SMAGP: variants seen among roughly 807,000 people sequenced by gnomAD.
SMAGP encodes small cell transmembrane and glycosylated protein.
In SMAGP, 7 loss-of-function variants were observed where a neutral mutation model predicts 10.1. That is an observed-to-expected ratio of 0.70 (90% CI 0.40 to 1.31). The LOEUF is 1.31. Ranked by LOEUF, SMAGP falls within the 50% of genes most tolerant of loss-of-function variation. The pLI, the probability that SMAGP is intolerant of heterozygous loss-of-function variation, is 0.01. For synonymous variants in SMAGP, 49 were observed against 47.2 expected (o/e 1.04, Z -0.16); for missense variants, 113 against 116.5 (o/e 0.97, Z 0.14).
At chr12:51,246,203 GTT>G in intron 3 of SMAGP, 84 bp from the exon 4 acceptor site, 1 of 1,540,710 alleles carries the variant, frequency 6.5e-7, no homozygotes, top group East Asian at 2.3e-5. Context: ...TTTAGTCACT[GTT>G]TTCGTAAAGA....
At chr12:51,254,887 G>T (rs1008081589) in intron 2 of SMAGP, among the ~76,000 whole-genome samples, 8 of 152,182 alleles carry the variant, frequency 5.3e-5, no homozygotes, top group African/African-American at 1.9e-4. Context: ...CCCCTGAGTG[G>T]GAGTAACGGG....
chr12:51,248,848 T>C lies in SMAGP; in HGVS notation c.35-2017A>G, dbSNP rs114895253. ...TGGGTGATTTCCTGAGCCCAGGAAT[T>C]TGAGACCAGCCTGGGAAACATGGCG... is the stretch of plus-strand genomic sequence containing the variant. On this transcript the variant is annotated intron_variant, in intron 2 of 3. Coordinates refer to ENST00000603798, the MANE Select transcript of SMAGP (RefSeq NM_001031628.2). 5.6e-3 allele frequency among the ~76,000 whole-genome samples: 799 copies of C among 143,112 alleles called. 11 individuals are homozygous for C. Among genetic ancestry groups the C allele is most frequent in the African/African-American group, 0.02 (770 of 37,824 alleles). 93.9% of individuals were successfully genotyped at this position (143,112 alleles called of 152,430 possible). A position where few individuals can be genotyped will look rare whatever the true frequency, so the allele number is the denominator to read the frequency against.
intron 2 of SMAGP, among the ~76,000 whole-genome samples, chr12:51,254,865 A>G (rs1359100158): frequency 2.0e-5 from 3 of 152,170 alleles, no homozygotes; most frequent in African/African-American, 4.8e-5. Context: ...TGTTAAATGC[A>G]CAGTATGGAG....
chr12:51,259,585 T>A (rs1353787611), intron 2 of SMAGP, among the ~76,000 whole-genome samples: 1 of 150,750 alleles, frequency 6.6e-6, no homozygotes, highest in Admixed American at 6.7e-5. Context: ...GGGGAAGCTA[T>A]GGCTTAGCAA....
chr12:51,250,520 T>TGTTGTTGTTG (rs1944828339), intron 2 of SMAGP, among the ~76,000 whole-genome samples: 1 of 151,634 alleles, frequency 6.6e-6, no homozygotes, highest in Admixed American at 6.6e-5. Flanking sequence ...TGTTTTTTTT[T>TGTTGTTGTTG]TGTTGTTGTT....
intron 2 of SMAGP, among the ~76,000 whole-genome samples, chr12:51,258,194 G>A (rs1047596072): frequency 6.6e-6 from 1 of 152,070 alleles, no homozygotes; most frequent in South Asian, 2.1e-4. Flanking sequence ...TTACAAAATA[G>A]GATGTAAGAT....
intron 2 of SMAGP, among the ~76,000 whole-genome samples, chr12:51,259,063 A>G (rs2137304945): frequency 6.6e-6 from 1 of 151,352 alleles, no homozygotes; most frequent in African/African-American, 2.4e-5. Context: ...CAGTCTGAGA[A>G]GTTGAGGCTG....
At chr12:51,264,979 G>A in intron 2 of SMAGP, among the ~76,000 whole-genome samples, 1 of 146,524 alleles carries the variant, frequency 6.8e-6, no homozygotes, top group African/African-American at 2.5e-5. Context: ...CTGATTCAAC[G>A]ATCAATTTTT....
Position 51,244,676 on chromosome 12 carries a change from G to T in SMAGP, c.*1265C>A, listed in dbSNP as rs1944741071. On this transcript the variant is annotated 3_prime_UTR_variant, in exon 4 of 4. Transcript: ENST00000603798. ...TTATCTTGAGACTAAAATCCAAGAA[G>T]CTTCTTGGCTTGATTCTGAGGATAC... The T allele has an allele frequency of 6.6e-6, 1 of 152,288 alleles. No homozygotes were observed. Among genetic ancestry groups the T allele is most frequent in the South Asian group, 2.1e-4 (1 of 4,826 alleles). The allele number at this position is 152,288 out of a possible 1,614,324, so 9.4% of individuals were successfully genotyped here.
intron 2 of SMAGP, among the ~76,000 whole-genome samples, chr12:51,259,681 C>T (rs1015389464): frequency 3.3e-5 from 5 of 152,144 alleles, no homozygotes; most frequent in African/African-American, 1.2e-4. Context: ...GCAGGAGTTA[C>T]AGATAGGTTG....
chr12:51,269,977 G>C (rs1337634300), intron 1 of SMAGP: 1 of 152,040 alleles, frequency 6.6e-6, no homozygotes, highest in East Asian at 1.9e-4. Context: ...TGCGAACGCG[G>C]GGTGGACGCG....
At chr12:51,250,024 A>G (rs948508529) in intron 2 of SMAGP, among the ~76,000 whole-genome samples, 31 of 152,062 alleles carry the variant, frequency 2.0e-4, no homozygotes, top group African/African-American at 7.2e-4. Flanking sequence ...TGTAAACATC[A>G]TATAGTAGCT....
chr12:51,255,339 G>T (rs11615572), intron 2 of SMAGP, among the ~76,000 whole-genome samples: 1 of 151,934 alleles, frequency 6.6e-6, no homozygotes, highest in African/African-American at 2.4e-5. Flanking sequence ...GCCTGGCCTA[G>T]GTTTGTGTTT....
At chr12:51,254,306 T>C (rs1180726271) in intron 2 of SMAGP, among the ~76,000 whole-genome samples, 2 of 152,180 alleles carry the variant, frequency 1.3e-5, no homozygotes, top group African/African-American at 2.4e-5. Flanking sequence ...CCCAGCACTT[T>C]GGGAGGCCGA....
At chr12:51,248,525 T>C (rs2137295962) in intron 2 of SMAGP, among the ~76,000 whole-genome samples, 1 of 151,902 alleles carries the variant, frequency 6.6e-6, no homozygotes, top group Middle Eastern at 3.4e-3. Flanking sequence ...CCGTTAGCCT[T>C]GTGTTATGAT....
chr12:51,266,461 G>C (rs576819817), intron 2 of SMAGP, among the ~76,000 whole-genome samples: 66 of 86,776 alleles, frequency 7.6e-4, no homozygotes, highest in African/African-American at 1.9e-3. Context: ...GAAAGTTCTT[G>C]ACTTAAGAAA....
intron 3 of SMAGP, chr12:51,246,461 T>C: frequency 2.3e-6 from 1 of 426,792 alleles, no homozygotes; most frequent in Non-Finnish European, 4.2e-6. Flanking sequence ...CCCCTCTTCC[T>C]CACCCACTCA....
rs760973652 is a variant in SMAGP, at chr12:51,246,103, G to A, written c.132C>T (p.Val44=). 5.0e-6 allele frequency: 8 copies of A among 1,613,906 alleles called. No individual in the cohort carries two copies. Among genetic ancestry groups the A allele is most frequent in the Non-Finnish European group, 6.8e-6 (8 of 1,179,838 alleles). ...TCACGACCGAGAGCAGGGTGAGGAA[G>A]ACAACGGTGATAACAACTTGGAAAG... The part of the protein sequence containing the change: ...TALIAVVITV[V]FLTLLSVVIL... Residue 44 remains valine (V), a synonymous_variant, in exon 4 of 4, where the codon GTC becomes GTT. Transcript: ENST00000603798.
intron 2 of SMAGP, among the ~76,000 whole-genome samples, chr12:51,262,755 A>G (rs2137308622): frequency 6.6e-6 from 1 of 152,264 alleles, no homozygotes; most frequent in South Asian, 2.1e-4. Flanking sequence ...GTTAACCCAG[A>G]TACTGGCTGG....
Sources: allele counts gnomAD v4.1 joint callset (sites outside exome capture counted in the v4.1 genomes callset), GRCh38; gene constraint gnomAD v4.1.1; transcripts MANE v1.5; gene names NCBI Gene and HGNC (gene_info 2026-07-23, HGNC 2026-07-21).